DOCK10: variants seen among roughly 807,000 people sequenced by gnomAD.
DOCK10 encodes dedicator of cytokinesis 10.
Under a neutral mutation model 280.1 loss-of-function variants are expected in DOCK10, and 145 were observed. The observed-to-expected ratio is 0.52, with a 90% CI of 0.45 to 0.59. DOCK10 has a LOEUF of 0.59. Among genes scored for constraint, DOCK10 ranks in the 20% least tolerant of loss-of-function variants. DOCK10 has a pLI of 0.00. For synonymous variants in DOCK10, 915 were observed against 942.2 expected (o/e 0.97, Z 0.53); for missense variants, 2,368 against 2,651.7 (o/e 0.89, Z 2.35).
At chr2:224,815,099 T>G (rs1486450650) in intron 30 of DOCK10, among the ~76,000 whole-genome samples, 1 of 152,158 alleles carries the variant, frequency 6.6e-6, no homozygotes, top group African/African-American at 2.4e-5. Flanking sequence ...GGTGATTTGA[T>G]CATGGGGACA....
chr2:224,914,612 T>C (rs977562849), intron 3 of DOCK10, among the ~76,000 whole-genome samples: 4 of 152,136 alleles, frequency 2.6e-5, no homozygotes, highest in Admixed American at 1.3e-4. Flanking sequence ...TAAAATTTCA[T>C]AGAGAGACAC....
At chr2:224,886,904 C>T (rs1240780718) in intron 4 of DOCK10, among the ~76,000 whole-genome samples, 2 of 139,672 alleles carry the variant, frequency 1.4e-5, no homozygotes, top group Admixed American at 6.9e-5. Flanking sequence ...CCAAGTAGTA[C>T]CTGGGATTAC....
intron 27 of DOCK10, among the ~76,000 whole-genome samples, chr2:224,826,849 G>C (rs111992581): frequency 0.013 from 1,910 of 152,074 alleles, 44 homozygotes; most frequent in African/African-American, 0.043. Context: ...TGTAGTCCCA[G>C]CTACTAGGGA....
At chr2:224,931,162 A>G (rs538088341) in intron 2 of DOCK10, among the ~76,000 whole-genome samples, 1 of 152,346 alleles carries the variant, frequency 6.6e-6, no homozygotes, top group South Asian at 2.1e-4. Context: ...CTTTTGTGCT[A>G]ATGGAGTCCT....
chr2:224,802,235 T>A (rs1693064947), intron 39 of DOCK10, among the ~76,000 whole-genome samples, 195 bp from the exon 40 acceptor site: 1 of 152,196 alleles, frequency 6.6e-6, no homozygotes, highest in Non-Finnish European at 1.5e-5. Flanking sequence ...AAATTTTATT[T>A]AAGCCAAAAT....
At chr2:224,945,913 G>A (rs1254803431) in intron 1 of DOCK10, among the ~76,000 whole-genome samples, 2 of 152,002 alleles carry the variant, frequency 1.3e-5, no homozygotes, top group Non-Finnish European at 2.9e-5. Flanking sequence ...CATCCTACAC[G>A]GTACAGGATA....
intron 3 of DOCK10, among the ~76,000 whole-genome samples, chr2:224,903,029 C>T (rs1020978632): frequency 1.3e-5 from 2 of 152,098 alleles, no homozygotes; most frequent in East Asian, 1.9e-4. Flanking sequence ...ACCCGGGAGG[C>T]GGAGCTTGCA....
chr2:224,948,638 A>G (rs78173487), intron 1 of DOCK10, among the ~76,000 whole-genome samples: 8,232 of 152,244 alleles, frequency 0.054, 270 homozygotes, highest in Non-Finnish European at 0.068. Context: ...ATAGTATTTT[A>G]TAATCCTTTT....
chr2:224,948,248 C>G (rs1471510476), intron 1 of DOCK10, among the ~76,000 whole-genome samples: 1 of 152,228 alleles, frequency 6.6e-6, no homozygotes, highest in Non-Finnish European at 1.5e-5. Context: ...CTGATTATTC[C>G]TGTCTTAGCA....
intron 47 of DOCK10, among the ~76,000 whole-genome samples, chr2:224,791,949 G>A (rs1425240331): frequency 6.6e-6 from 1 of 152,166 alleles, no homozygotes; most frequent in Non-Finnish European, 1.5e-5. Flanking sequence ...TAAAAATGTT[G>A]TTTGTACACG....
chr2:224,810,521 A>G (rs968732765), intron 31 of DOCK10, among the ~76,000 whole-genome samples: 1 of 151,884 alleles, frequency 6.6e-6, no homozygotes, highest in Admixed American at 6.6e-5. Context: ...TTTAGGGTAC[A>G]TGTGCACAAT....
Position 224,793,383 on chromosome 2 carries a change from T to C in DOCK10, c.5212+17A>G, listed in dbSNP as rs1169473140. ...TTGATATCTAGGCTTTTTGCCTCCC[T>C]CATGTGGTCATCTTACCCTTTCTTT... is the stretch of plus-strand genomic sequence containing the variant. On this transcript the variant is annotated intron_variant, in intron 46 of 55. Transcript: ENST00000258390. The C allele has an allele frequency of 6.2e-7, 1 of 1,609,230 alleles. No individual in the cohort carries two copies. Among genetic ancestry groups the C allele is most frequent in the African/African-American group, 1.3e-5 (1 of 74,776 alleles).
In DOCK10 at chr2:224,807,687, G is replaced by A. The variant is rs866521872; in HGVS notation, c.3683C>T (p.Thr1228Ile). ...ACGTACCTGATTAGATGTATTGACA[G>A]TAAAAGGATACAGGTCCTTCAGATA... Reference protein sequence around the residue: ...RIYLKDLYPFTVNTSNQGSRD... With the variant: ...RIYLKDLYPFIVNTSNQGSRD... Residue 1228 changes from threonine to isoleucine, a missense_variant, in exon 33 of 56, where the codon ACT becomes ATT. By Grantham distance (89) the Thr-to-Ile change is moderately conservative. Transcript: ENST00000258390. 6.4e-7 allele frequency: 1 copy of A among 1,563,204 alleles called. No individual in the cohort carries two copies. Among genetic ancestry groups the A allele is most frequent in the Non-Finnish European group, 8.7e-7 (1 of 1,150,714 alleles).
At chr2:224,982,439 C>T in intron 1 of DOCK10, 5 of 1,230,102 alleles carry the variant, frequency 4.1e-6, no homozygotes, top group Non-Finnish European at 5.1e-6. Flanking sequence ...GCTCCTTGTC[C>T]CTGAAAACAG....
intron 1 of DOCK10, among the ~76,000 whole-genome samples, chr2:224,968,374 G>A (rs551876776): frequency 7.2e-5 from 11 of 152,336 alleles, no homozygotes; most frequent in Admixed American, 2.0e-4. Context: ...CAGGGCAGGT[G>A]TGGGGCCTGA....
chr2:224,827,860 A>T (rs1244210596), intron 27 of DOCK10, among the ~76,000 whole-genome samples: 1 of 152,198 alleles, frequency 6.6e-6, no homozygotes, highest in African/African-American at 2.4e-5. Flanking sequence ...TTTCTGTCAT[A>T]CTAAGATCAA....
intron 1 of DOCK10, among the ~76,000 whole-genome samples, chr2:224,975,334 G>A (rs1169148509): frequency 1.3e-5 from 2 of 152,088 alleles, no homozygotes; most frequent in East Asian, 3.9e-4. Flanking sequence ...AAGATTCTAT[G>A]TGCTTTAAAG....
At chr2:225,002,184 T>G (rs1351054160) in intron 1 of DOCK10, among the ~76,000 whole-genome samples, 4 of 152,166 alleles carry the variant, frequency 2.6e-5, no homozygotes, top group Non-Finnish European at 5.9e-5. Flanking sequence ...GCATCTGACT[T>G]TTGAAGGCCG....
At position 225,042,150 on chromosome 2, in the gene DOCK10, G is replaced by T; in HGVS notation, c.123+102C>A. On this transcript the variant is annotated intron_variant, in intron 1 of 55. Transcript: ENST00000258390. The surrounding 1 kb of genome is among the most constrained non-coding windows in gnomAD (Gnocchi z 5.1). ...GGAGTGCGGAGGAGAGGACCCGTGA[G>T]CTGCGGGGACCTGGGCCCGCCGAGC... The T allele has an allele frequency of 8.5e-7, 1 of 1,178,932 alleles. No individual in the cohort carries two copies. Among genetic ancestry groups the T allele is most frequent in the Non-Finnish European group, 1.1e-6 (1 of 946,282 alleles). 73.0% of individuals were successfully genotyped at this position (1,178,932 alleles called of 1,614,324 possible). A position where few individuals can be genotyped will look rare whatever the true frequency, so the allele number is the denominator to read the frequency against.
Sources: allele counts gnomAD v4.1 joint callset (sites outside exome capture counted in the v4.1 genomes callset), GRCh38; gene constraint gnomAD v4.1.1; non-coding constraint Gnocchi (gnomAD v3.1); transcripts MANE v1.5; gene names NCBI Gene and HGNC (gene_info 2026-07-23, HGNC 2026-07-21).